Variants in GYPC observed in about 807,000 individuals in gnomAD.
GYPC encodes the protein glycophorin-C.
GYPC carries 14 observed loss-of-function variants against 12.6 expected under a neutral mutation model. The ratio of observed to expected loss-of-function variants is 1.11; its 90% CI spans 0.74 to 1.74. GYPC has a LOEUF of 1.74. GYPC is among the 40% of genes most tolerant of loss of function. The pLI, the probability that GYPC is intolerant of heterozygous loss-of-function variation, is 0.00. For synonymous variants in GYPC, 78 were observed against 62.1 expected (o/e 1.26, Z -1.20); for missense variants, 225 against 172.1 (o/e 1.31, Z -1.72).
intron 3 of GYPC, among the ~76,000 whole-genome samples, chr2:126,694,250 G>T (rs1379197844): frequency 6.6e-6 from 1 of 152,106 alleles, no homozygotes; most frequent in African/African-American, 2.4e-5. Context: ...GAGGTGAGAT[G>T]AGGGTAGACT....
chr2:126,695,956 T>C lies in GYPC; in HGVS notation c.201T>C (p.Ala67=). ...MDIVVIAGVI[A]AVAIVLVSLL... ...TCTTCCCACCTGCAGGTGTGATTGC[T>C]GCTGTGGCCATCGTCCTAGTCTCCC... The change falls in exon 4 of 4, where the codon GCT becomes GCC. Residue 67 remains alanine (A), a synonymous_variant. Coordinates refer to ENST00000259254, the MANE Select transcript of GYPC (RefSeq NM_002101.5). The C allele has an allele frequency of 1.2e-6, 2 of 1,613,956 alleles. No homozygotes were observed. The highest frequency in any genetic ancestry group is 1.7e-6 in the Non-Finnish European group (2 of 1,179,886).
intron 1 of GYPC, among the ~76,000 whole-genome samples, chr2:126,681,080 TG>T (rs902040224): frequency 2.0e-5 from 3 of 152,242 alleles, no homozygotes; most frequent in African/African-American, 7.2e-5. Flanking sequence ...ACACGTTTTT[TG>T]TAGATGACTT....
At chr2:126,670,111 C>T (rs2104779531) in intron 1 of GYPC, among the ~76,000 whole-genome samples, 1 of 152,274 alleles carries the variant, frequency 6.6e-6, no homozygotes, top group Middle Eastern at 3.4e-3. Flanking sequence ...TGAGGCCCTC[C>T]CCAAGGAAAA....
intron 1 of GYPC, among the ~76,000 whole-genome samples, chr2:126,672,909 A>G (rs1312540767): frequency 6.6e-6 from 1 of 152,124 alleles, no homozygotes; most frequent in Non-Finnish European, 1.5e-5. Context: ...AGAGGCAGAG[A>G]GAACAGCTCG....
intron 3 of GYPC, 42 bp downstream of exon 3, chr2:126,693,989 G>T (rs771313039): frequency 1.5e-6 from 2 of 1,347,814 alleles, no homozygotes; most frequent in Non-Finnish European, 2.1e-6. Context: ...CCAGGGTGGG[G>T]GGCCTTGGTG....
At chr2:126,672,248 C>T (rs909716377) in intron 1 of GYPC, among the ~76,000 whole-genome samples, 1 of 152,184 alleles carries the variant, frequency 6.6e-6, no homozygotes, top group Non-Finnish European at 1.5e-5. Flanking sequence ...AGGTGCCCTT[C>T]TGCATCTCAC....
At chr2:126,658,268 G>C (rs1449690225) in intron 1 of GYPC, 1 of 152,278 alleles carries the variant, frequency 6.6e-6, no homozygotes, top group Non-Finnish European at 1.5e-5. Context: ...GGAGTCACAT[G>C]ATGCTGGTGG....
At chr2:126,661,684 T>G (rs1682541178) in intron 1 of GYPC, among the ~76,000 whole-genome samples, 3 of 152,182 alleles carry the variant, frequency 2.0e-5, no homozygotes, top group Admixed American at 2.0e-4. Context: ...ACTCCTGACC[T>G]CAGGTGATCC....
chr2:126,669,240 T>C (rs191374585), intron 1 of GYPC, among the ~76,000 whole-genome samples: 1 of 152,300 alleles, frequency 6.6e-6, no homozygotes, highest in East Asian at 1.9e-4. Flanking sequence ...ACAGTGCTGA[T>C]GTCCAGAGCT....
chr2:126,664,951 TTCTCTCTC>T (rs143811361), intron 1 of GYPC, among the ~76,000 whole-genome samples: 6 of 148,666 alleles, frequency 4.0e-5, no homozygotes, highest in South Asian at 2.2e-4. Context: ...CTTGCTGTCT[TTCTCTCTC>T]TCTCTCTCTC....
chr2:126,677,516 AGTCTGT>A (rs1683035640), intron 1 of GYPC, among the ~76,000 whole-genome samples: 10 of 84,496 alleles, frequency 1.2e-4, no homozygotes, highest in African/African-American at 2.8e-4. Context: ...AGTGTGTGTG[AGTCTGT>A]GTGTGTGTGA....
intron 1 of GYPC, among the ~76,000 whole-genome samples, chr2:126,671,784 G>A (rs1433735369): frequency 6.6e-6 from 1 of 152,234 alleles, no homozygotes; most frequent in Non-Finnish European, 1.5e-5. Flanking sequence ...TGGCGAGGTG[G>A]ACACATGGGT....
chr2:126,693,787 A>T (rs1683547445), intron 2 of GYPC, 77 bp from the exon 3 acceptor site: 2 of 950,090 alleles, frequency 2.1e-6, no homozygotes, highest in East Asian at 2.4e-5. Context: ...TGAGCAAAGG[A>T]TGCAGCTTGG....
intron 1 of GYPC, among the ~76,000 whole-genome samples, chr2:126,673,843 G>A (rs1423400371): frequency 6.6e-6 from 1 of 152,182 alleles, no homozygotes; most frequent in African/African-American, 2.4e-5. Context: ...CAGGCACACT[G>A]TTGGGAGACT....
chr2:126,684,095 C>T (rs1196851412), intron 1 of GYPC, among the ~76,000 whole-genome samples: 1 of 152,162 alleles, frequency 6.6e-6, no homozygotes, highest in Non-Finnish European at 1.5e-5. Context: ...TATAGAGTGT[C>T]AAAGCAGTAC....
Position 126,656,321 on chromosome 2 carries a change from C to A in GYPC, c.49+9C>A, listed in dbSNP as rs771654332. 1.3e-6 allele frequency: 2 copies of A among 1,590,288 alleles called. No homozygotes were observed. Among genetic ancestry groups the A allele is most frequent in the Non-Finnish European group, 1.7e-6 (2 of 1,169,856 alleles). On this transcript the variant is annotated intron_variant, in intron 1 of 3. Transcript: ENST00000259254. ...GTGGCCTCTCAGCCTCGGTGAGTACCCGCCGTGGGGAAGGGTCCTGGGGAC... is the reference window on the plus strand; with the variant it reads ...GTGGCCTCTCAGCCTCGGTGAGTACACGCCGTGGGGAAGGGTCCTGGGGAC...
At chr2:126,663,381 C>G (rs1682593110) in intron 1 of GYPC, among the ~76,000 whole-genome samples, 1 of 152,170 alleles carries the variant, frequency 6.6e-6, no homozygotes, top group South Asian at 2.1e-4. Flanking sequence ...TGGAGACAGC[C>G]CAGAAAACAC....
intron 1 of GYPC, among the ~76,000 whole-genome samples, chr2:126,676,066 C>T (rs564843607): frequency 1.3e-5 from 2 of 152,356 alleles, no homozygotes; most frequent in African/African-American, 4.8e-5. Context: ...CTCCACACAA[C>T]CTGGCTTCTC....
chr2:126,677,453 A>G (rs1288367934), intron 1 of GYPC, among the ~76,000 whole-genome samples: 3 of 145,400 alleles, frequency 2.1e-5, no homozygotes, highest in African/African-American at 5.2e-5. Context: ...GTGTGTGTAT[A>G]AGAGTGTGAC....
Sources: allele counts gnomAD v4.1 joint callset (sites outside exome capture counted in the v4.1 genomes callset), GRCh38; gene constraint gnomAD v4.1.1; transcripts MANE v1.5; gene names NCBI Gene and HGNC (gene_info 2026-07-23, HGNC 2026-07-21).